The following ABHD6 variants were observed in gnomAD, a reference collection of about 807,000 sequenced individuals.
The protein encoded by ABHD6 is monoacylglycerol lipase ABHD6.
Under a neutral mutation model 38.8 loss-of-function variants are expected in ABHD6, and 33 were observed. That is an observed-to-expected ratio of 0.85 (90% CI 0.64 to 1.14). The LOEUF is 1.14. Ranked by LOEUF, ABHD6 falls within the 50% of genes most tolerant of loss-of-function variation. The pLI, the probability that ABHD6 is intolerant of heterozygous loss-of-function variation, is 0.00. For synonymous variants in ABHD6, 147 were observed against 161.6 expected, an observed-to-expected ratio of 0.91 and a Z score of 0.69; for missense variants, 380 against 422.6, an observed-to-expected ratio of 0.90 and a Z score of 0.88.
chr3:58,267,371 A>G lies in ABHD6; in HGVS notation c.276+26A>G. 1.2e-6 allele frequency: 2 copies of G among 1,613,422 alleles called. No individual in the cohort carries two copies. The highest frequency in any genetic ancestry group is 1.7e-6 in the Non-Finnish European group (2 of 1,179,696). The stretch of plus-strand genomic sequence containing the variant: ...GTGCAATTCTCGATTCTTCTCTCTT[A>G]TAAGAAAAGGGAGTTGGGTGCTGTG... On this transcript the variant is annotated intron_variant, in intron 4 of 9. Transcript: ENST00000478253. The surrounding 1 kb of genome is among the most constrained non-coding windows in gnomAD (Gnocchi z 4.3).
intron 4 of ABHD6, among the ~76,000 whole-genome samples, chr3:58,268,506 G>C (rs180973995): frequency 7.9e-4 from 120 of 152,266 alleles, no homozygotes; most frequent in African/African-American, 2.7e-3. Context: ...GTGAAGGTTG[G>C]GGCTGGCAGA....
At chr3:58,279,750 G>A (rs547515473) in intron 7 of ABHD6, among the ~76,000 whole-genome samples, 1 of 152,226 alleles carries the variant, frequency 6.6e-6, no homozygotes, top group East Asian at 1.9e-4. Flanking sequence ...TCCATGTTTA[G>A]TGCTTCCTTC....
intron 6 of ABHD6, among the ~76,000 whole-genome samples, chr3:58,272,247 G>A (rs941356717): frequency 6.6e-6 from 1 of 152,152 alleles, no homozygotes; most frequent in Admixed American, 6.5e-5. Flanking sequence ...AAATGGGAAC[G>A]TTGAGGCACA....
At chr3:58,278,160 C>A (rs189673869) in intron 7 of ABHD6, among the ~76,000 whole-genome samples, 2 of 152,104 alleles carry the variant, frequency 1.3e-5, no homozygotes, top group Admixed American at 1.3e-4. Flanking sequence ...TGATTGGAAT[C>A]GTTTCCAAAG....
Position 58,256,491 on chromosome 3 carries a change from C to T in ABHD6, c.-25-71C>T, listed in dbSNP as rs2097433414. 21 of 881,438 alleles carry T rather than the reference C, an allele frequency of 2.4e-5. 1 individual carries two copies. In the South Asian group the frequency reaches 3.6e-4, roughly 15 times the overall value. 54.6% of individuals were successfully genotyped at this position (881,438 alleles called of 1,614,324 possible). ...ACTCTGGGAACTTCACTTTTCTTGTCCCCTTTACTTCTTCGCCTTTTTTCC... is the reference window on the plus strand; with the variant it reads ...ACTCTGGGAACTTCACTTTTCTTGTTCCCTTTACTTCTTCGCCTTTTTTCC... On this transcript the variant is annotated intron_variant, in intron 2 of 9. Coordinates refer to ENST00000478253, the MANE Select transcript of ABHD6 (RefSeq NM_001320126.2). The surrounding 1 kb of genome is among the most constrained non-coding windows in gnomAD (Gnocchi z 4.3).
chr3:58,285,139 T>G lies in ABHD6; in HGVS notation c.736T>G (p.Leu246Val), dbSNP rs1169427806. 6.2e-7 allele frequency: 1 copy of G among 1,614,096 alleles called. No homozygotes were observed. The highest frequency in any genetic ancestry group is 8.5e-7 in the Non-Finnish European group (1 of 1,179,942). Residue 246 changes from leucine to valine, a missense_variant and splice_region_variant, in exon 8 of 10, where the codon TTG becomes GTG. Physicochemically the swap from Leu to Val is conservative, Grantham distance 32. Transcript: ENST00000478253. This position sits in a 1 kb window ranked among gnomAD's most constrained non-coding sequence, Gnocchi z 4.9. ...RIPHNNFYRK[L>V]FLEIVSEKSR... ...CCCTCATAACAACTTCTACCGAAAG[T>G]GTAAGTAGCCCTACTTTCAGCTTGG...
At chr3:58,254,851 T>TACACACAC (rs58771259) in intron 2 of ABHD6, among the ~76,000 whole-genome samples, 1 of 146,894 alleles carries the variant, frequency 6.8e-6, no homozygotes, top group Non-Finnish European at 1.5e-5. Flanking sequence ...TATATGTGTA[T>TACACACAC]ACACACACAC....
intron 2 of ABHD6, among the ~76,000 whole-genome samples, chr3:58,250,475 G>T (rs1303338942): frequency 6.6e-6 from 1 of 152,152 alleles, no homozygotes; most frequent in East Asian, 1.9e-4. Flanking sequence ...GACCAGCACA[G>T]CCTGATCCCT....
In ABHD6 at chr3:58,285,080, C is replaced by G. The variant is rs976469444; in HGVS notation, c.682-5C>G. The G allele has an allele frequency of 1.9e-6, 3 of 1,614,008 alleles. No homozygotes were observed. The highest frequency in any genetic ancestry group is 1.3e-5 in the African/African-American group (1 of 75,028). ...GCTCTCTAACTTTGGGTTATTTATC[C>G]TTAGATCCTGCAAGGCCTTGTCGAT... On this transcript the variant is annotated splice_polypyrimidine_tract_variant and splice_region_variant and intron_variant, in intron 7 of 9. Transcript: ENST00000478253. The surrounding 1 kb of genome is among the most constrained non-coding windows in gnomAD (Gnocchi z 4.9).
rs2097441426 is a variant in ABHD6, at chr3:58,266,972, CA to C, written c.120-213del. Among the ~76,000 whole-genome samples the C allele has an allele frequency of 6.6e-6, 1 of 152,086 alleles. No homozygotes were observed. The highest frequency in any genetic ancestry group is 1.5e-5 in the Non-Finnish European group (1 of 68,028). On this transcript the variant is annotated intron_variant, in intron 3 of 9. Coordinates refer to ENST00000478253, the MANE Select transcript of ABHD6 (RefSeq NM_001320126.2). This position sits in a 1 kb window ranked among gnomAD's most constrained non-coding sequence, Gnocchi z 4.0. ...CTAGAGTGATTAGTAAAATATATAC[CA>C]AAATAGTTCATTTAAGGTGTTCTCT...
rs1472792342 is a variant in ABHD6, at chr3:58,238,769, G to C, written c.-91+853G>C. 6.6e-6 allele frequency: 1 copy of C among 152,304 alleles called. No homozygotes were observed. Among genetic ancestry groups the C allele is most frequent in the Non-Finnish European group, 1.5e-5 (1 of 68,156 alleles). 9.4% of individuals were successfully genotyped at this position (152,304 alleles called of 1,614,324 possible). On this transcript the variant is annotated intron_variant, in intron 1 of 9. Coordinates refer to ENST00000478253, the MANE Select transcript of ABHD6 (RefSeq NM_001320126.2). The surrounding 1 kb of genome is among the most constrained non-coding windows in gnomAD (Gnocchi z 6.9). ...CCCAGGAGCTGGGTGGTTAGGAAGA[G>C]GAAATAAAGTGGGGGTCTTACTCCA...
In ABHD6 at chr3:58,293,798, C is replaced by T. The variant is rs2097465236; in HGVS notation, c.*33C>T. The T allele has an allele frequency of 6.3e-7, 1 of 1,599,960 alleles. No individual in the cohort carries two copies. Among genetic ancestry groups the T allele is most frequent in the Non-Finnish European group, 8.5e-7 (1 of 1,170,732 alleles). On this transcript the variant is annotated 3_prime_UTR_variant, in exon 10 of 10. Transcript: ENST00000478253. This position sits in a 1 kb window ranked among gnomAD's most constrained non-coding sequence, Gnocchi z 4.4. ...ACTGCAGCCTGCATTCTGCACACAG[C>T]ATCTGCTCCCATCCCCCAAGTCTGA...
rs1312834670 is a variant in ABHD6, at chr3:58,273,760, A to G, written c.524-898A>G. 6.6e-6 allele frequency among the ~76,000 whole-genome samples: 1 copy of G among 152,172 alleles called. No homozygotes were observed. The highest frequency in any genetic ancestry group is 1.5e-5 in the Non-Finnish European group (1 of 68,028). ...TCACAGGGAGGGAGAGCATTAGGACAAATGCCGAATGCATGAGGGACTTAA... is the reference window on the plus strand; with the variant it reads ...TCACAGGGAGGGAGAGCATTAGGACGAATGCCGAATGCATGAGGGACTTAA... On this transcript the variant is annotated intron_variant, in intron 6 of 9. Transcript: ENST00000478253. This position sits in a 1 kb window ranked among gnomAD's most constrained non-coding sequence, Gnocchi z 4.8.
At chr3:58,242,164 TG>T (rs1208429467) in intron 1 of ABHD6, among the ~76,000 whole-genome samples, 2 of 152,028 alleles carry the variant, frequency 1.3e-5, no homozygotes, top group African/African-American at 4.8e-5. Context: ...ACGGCATGTC[TG>T]GGGGTTGCAG....
intron 1 of ABHD6, among the ~76,000 whole-genome samples, chr3:58,241,925 A>G (rs544563722): frequency 5.6e-4 from 86 of 152,342 alleles, no homozygotes; most frequent in African/African-American, 1.9e-3. Flanking sequence ...CTACAGTCAC[A>G]TGGCAAGCAT....
At chr3:58,274,353 C>T (rs984672990) in intron 6 of ABHD6, among the ~76,000 whole-genome samples, 1 of 152,162 alleles carries the variant, frequency 6.6e-6, no homozygotes, top group African/African-American at 2.4e-5. Flanking sequence ...TGTAAGAAGG[C>T]AAATTCTGGT....
At chr3:58,288,192 C>T (rs938575781) in intron 9 of ABHD6, among the ~76,000 whole-genome samples, 3 of 152,304 alleles carry the variant, frequency 2.0e-5, no homozygotes, top group African/African-American at 2.4e-5. Flanking sequence ...CTCCCAAGCT[C>T]GCTGGCTCTT....
intron 9 of ABHD6, among the ~76,000 whole-genome samples, chr3:58,290,559 G>A (rs867767113): frequency 1.3e-3 from 180 of 141,670 alleles, no homozygotes; most frequent in East Asian, 3.0e-3. Flanking sequence ...GCTGCCAGGC[G>A]GAGAGGCTCC....
chr3:58,291,299 G>A (rs913202501), intron 9 of ABHD6, among the ~76,000 whole-genome samples: 17 of 151,868 alleles, frequency 1.1e-4, no homozygotes, highest in Non-Finnish European at 2.1e-4. Context: ...AATCAGGCAG[G>A]GAGGTTGCAG....
Sources: allele counts gnomAD v4.1 joint callset (sites outside exome capture counted in the v4.1 genomes callset), GRCh38; gene constraint gnomAD v4.1.1; non-coding constraint Gnocchi (gnomAD v3.1); transcripts MANE v1.5; gene names NCBI Gene and HGNC (gene_info 2026-07-23, HGNC 2026-07-21).